Variants in RSBN1 observed in about 807,000 individuals in gnomAD.
The protein encoded by RSBN1 is lysine-specific demethylase 9.
RSBN1 carries 23 observed loss-of-function variants against 74.8 expected under a neutral mutation model. The ratio of observed to expected loss-of-function variants is 0.31; its 90% confidence interval spans 0.22 to 0.44. The LOEUF (loss-of-function observed/expected upper bound fraction) is 0.44. Ranked by LOEUF, RSBN1 falls within the 20% of genes least tolerant of loss-of-function variation. The pLI, the probability that RSBN1 is intolerant of heterozygous loss-of-function variation, is 1.00. For synonymous variants in RSBN1, 407 were observed against 379.6 expected (o/e 1.07, Z -0.84); for missense variants, 808 against 1,020.9 (o/e 0.79, Z 2.84).
chr1:113,774,492 T>C (rs1659976128), intron 4 of RSBN1, among the ~76,000 whole-genome samples: 1 of 151,204 alleles, frequency 6.6e-6, no homozygotes, highest in Admixed American at 6.6e-5. Context: ...GGCTAACACG[T>C]TGAAACCCCA....
intron 1 of RSBN1, among the ~76,000 whole-genome samples, chr1:113,805,202 C>T (rs1226144452): frequency 1.3e-5 from 2 of 151,970 alleles, no homozygotes; most frequent in African/African-American, 2.4e-5. Flanking sequence ...GTGCAACCTC[C>T]GCCTTCCAGG....
chr1:113,792,383 T>G (rs900094015), intron 2 of RSBN1, among the ~76,000 whole-genome samples: 2 of 152,164 alleles, frequency 1.3e-5, no homozygotes, highest in African/African-American at 4.8e-5. Flanking sequence ...GGTGGTCCAT[T>G]TACTAGCAAC....
chr1:113,778,288 C>CTT (rs1157172067), intron 2 of RSBN1, among the ~76,000 whole-genome samples: 9 of 136,160 alleles, frequency 6.6e-5, no homozygotes, highest in African/African-American at 2.2e-4. Flanking sequence ...ACAGGCCAAT[C>CTT]TTTTTTTTTT....
intron 1 of RSBN1, among the ~76,000 whole-genome samples, chr1:113,810,699 T>C (rs555812254): frequency 1.5e-4 from 23 of 152,160 alleles, no homozygotes; most frequent in Non-Finnish European, 2.9e-4. Context: ...GGTTGAAAGA[T>C]TGTCTCATTA....
intron 2 of RSBN1, 67 bp from the exon 3 acceptor site, chr1:113,777,875 T>C (rs1660061528): frequency 7.3e-7 from 1 of 1,361,710 alleles, no homozygotes; most frequent in African/African-American, 1.5e-5. Flanking sequence ...AGAATTAAAA[T>C]AGGTTATTGT....
rs761543199 is a variant in RSBN1, at chr1:113,811,920, G to C, written c.493C>G (p.Pro165Ala). Residue 165 changes from proline to alanine, a missense_variant, in exon 1 of 7, where the codon CCA (proline) becomes GCA (alanine). By Grantham distance (27) the Pro-to-Ala change is conservative (BLOSUM62 -1). Transcript: ENST00000261441. ...GPAVAAPLPA[P>A]STSALFTFSP... Reference sequence around the variant, plus strand: ...AAGGTGAAGAGGGCCGAGGTGCTTGGGGCCGGGAGAGGGGCAGCGACAGCG... The same window carrying C: ...AAGGTGAAGAGGGCCGAGGTGCTTGCGGCCGGGAGAGGGGCAGCGACAGCG... The C allele has an allele frequency of 1.9e-6, 3 of 1,605,724 alleles. No individual in the cohort carries two copies. The highest frequency in any genetic ancestry group is 2.6e-6 in the Non-Finnish European group (3 of 1,175,990).
intron 5 of RSBN1, among the ~76,000 whole-genome samples, chr1:113,767,758 T>C (rs1659808415): frequency 6.6e-6 from 1 of 152,160 alleles, no homozygotes; most frequent in African/African-American, 2.4e-5. Context: ...TAACAACATG[T>C]GGTATATACA....
rs1201836350 is a variant in RSBN1 at position 113,762,183 on chromosome 1, A to C, written c.*3797T>G. 2 of 152,814 alleles carry C rather than the reference A, an allele frequency of 1.3e-5. No homozygotes were observed. The highest frequency in any genetic ancestry group is 4.8e-5 in the African/African-American group (2 of 41,472). 9.5% of individuals were successfully genotyped at this position (152,814 alleles called of 1,614,324 possible). On this transcript the variant is annotated 3_prime_UTR_variant, in exon 7 of 7. Transcript: ENST00000261441. ...AATCAAAATGGAGTTTACTCACAGA[A>C]AACACTATTACATGAAAATTTACAA...
chr1:113,793,633 C>A (rs555787470), intron 2 of RSBN1, among the ~76,000 whole-genome samples: 5 of 152,042 alleles, frequency 3.3e-5, no homozygotes, highest in African/African-American at 1.2e-4. Flanking sequence ...CCAACCTAGA[C>A]ACATCTCTCA....
intron 2 of RSBN1, among the ~76,000 whole-genome samples, chr1:113,781,426 T>A (rs1359471413): frequency 6.6e-6 from 1 of 152,198 alleles, no homozygotes; most frequent in Non-Finnish European, 1.5e-5. Flanking sequence ...TTGATTTCCC[T>A]TTCCAGGCTT....
intron 2 of RSBN1, among the ~76,000 whole-genome samples, chr1:113,796,736 A>G (rs1473839283): frequency 6.6e-6 from 1 of 152,188 alleles, no homozygotes; most frequent in Non-Finnish European, 1.5e-5. Flanking sequence ...AACTTCACTG[A>G]AAAAAATGTT....
intron 2 of RSBN1, among the ~76,000 whole-genome samples, chr1:113,793,677 C>CTTTTTTTT (rs10707246): frequency 1.4e-5 from 2 of 146,524 alleles, no homozygotes; most frequent in Non-Finnish European, 3.0e-5. Context: ...CCTAAGAGTT[C>CTTTTTTTT]TTTTTTTTTT....
At position 113,777,697 on chromosome 1, in the gene RSBN1, T is replaced by C; in HGVS notation, c.1489A>G (p.Met497Val). 2 of 1,610,618 alleles carry C rather than the reference T, an allele frequency of 1.2e-6. No individual in the cohort carries two copies. The highest frequency in any genetic ancestry group is 1.7e-6 in the Non-Finnish European group (2 of 1,177,718). ...VGDYFPEFLD[M>V]LEESPFLKMT... ...TTCAGAAATGGTGATTCTTCTAACATATCAAGGAACTCTGGGAAATAATCA... is the reference window on the plus strand; with the variant it reads ...TTCAGAAATGGTGATTCTTCTAACACATCAAGGAACTCTGGGAAATAATCA... Residue 497 changes from methionine to valine, a missense_variant, in exon 3 of 7, where the codon ATG becomes GTG. Met to Val is a conservative substitution (Grantham distance 21, BLOSUM62 1). Coordinates refer to ENST00000261441, the MANE Select transcript of RSBN1 (RefSeq NM_018364.5).
At position 113,764,636 on chromosome 1, in the gene RSBN1, T is replaced by C. The variant is rs1276606180; in HGVS notation, c.*1344A>G. The C allele has an allele frequency of 1.3e-5, 2 of 148,726 alleles. No individual in the cohort carries two copies. Among genetic ancestry groups the C allele is most frequent in the African/African-American group, 2.5e-5 (1 of 40,134 alleles). 9.2% of individuals were successfully genotyped at this position (148,726 alleles called of 1,614,324 possible). A position where few individuals can be genotyped will look rare whatever the true frequency, so the allele number is the denominator to read the frequency against. On this transcript the variant is annotated 3_prime_UTR_variant, in exon 7 of 7. Transcript: ENST00000261441. ...TTGTATTTTTTTTTTTTTTTGCCTA[T>C]GTTAATGTAAATATTTCAAATCTTA...
chr1:113,778,851 AGGAC>A (rs561280640), intron 2 of RSBN1, among the ~76,000 whole-genome samples: 26 of 152,214 alleles, frequency 1.7e-4, no homozygotes, highest in Non-Finnish European at 3.2e-4. Context: ...CAGTGAATTT[AGGAC>A]ATATCCTACA....
At chr1:113,807,032 G>T (rs1029935225) in intron 1 of RSBN1, among the ~76,000 whole-genome samples, 1 of 151,478 alleles carries the variant, frequency 6.6e-6, no homozygotes, top group Non-Finnish European at 1.5e-5. Flanking sequence ...AAACAAACAG[G>T]CTGGGCGTGG....
chr1:113,764,972 T>C lies in RSBN1; in HGVS notation c.*1008A>G, dbSNP rs1659752001. 2 of 152,372 alleles carry C rather than the reference T, an allele frequency of 1.3e-5. No individual in the cohort carries two copies. The highest frequency in any genetic ancestry group is 4.1e-4 in the South Asian group (2 of 4,824). The allele number at this position is 152,372 out of a possible 1,614,324, so 9.4% of individuals were successfully genotyped here. ...CTTAGAAAATAGCAACACAGAGTAA[T>C]AGTAAATAAACCCAGGTATTCACCA... On this transcript the variant is annotated 3_prime_UTR_variant, in exon 7 of 7. Transcript: ENST00000261441.
In RSBN1 at chr1:113,811,954, G is replaced by A. The variant is rs1660867123; in HGVS notation, c.459C>T (p.Pro153=). ...GAGGGGCAGCGACAGCGGGCCCGGC[G>A]GGTGCCAGCGAAGGTGGCGGCGGAG... The part of the protein sequence containing the change: ...LPPPPPPSLA[P]AGPAVAAPLP... Residue 153 remains proline (P), a synonymous_variant, in exon 1 of 7, where the codon CCC becomes CCT. Coordinates refer to ENST00000261441, the MANE Select transcript of RSBN1 (RefSeq NM_018364.5). The A allele has an allele frequency of 3.1e-6, 5 of 1,588,076 alleles. No individual in the cohort carries two copies. Among genetic ancestry groups the A allele is most frequent in the East Asian group, 4.5e-5 (2 of 44,158 alleles).
At chr1:113,779,153 T>C (rs969711775) in intron 2 of RSBN1, among the ~76,000 whole-genome samples, 2 of 152,200 alleles carry the variant, frequency 1.3e-5, no homozygotes, top group African/African-American at 2.4e-5. Context: ...TGTACCTTTA[T>C]ATAAAATGGC....
Sources: allele counts gnomAD v4.1 joint callset (sites outside exome capture counted in the v4.1 genomes callset), GRCh38; gene constraint gnomAD v4.1.1; transcripts MANE v1.5; gene names NCBI Gene and HGNC (gene_info 2026-07-23, HGNC 2026-07-21).